The following RYR1 variants were observed in gnomAD, a reference collection of about 807,000 sequenced individuals.
RYR1 encodes the protein central core disease of muscle.
Under a neutral mutation model 583.5 loss-of-function variants are expected in RYR1, and 342 were observed. The observed-to-expected ratio is 0.59, with a 90% CI of 0.54 to 0.64. The LOEUF (loss-of-function observed/expected upper bound fraction) is 0.64, where lower values mean the gene tolerates loss of function less well. Among genes scored for constraint, RYR1 ranks in the 30% least tolerant of loss-of-function variants. The pLI is 0.00. For synonymous variants in RYR1, 2,791 were observed against 2,822.5 expected, an observed-to-expected ratio of 0.99 and a Z score of 0.35; for missense variants, 6,032 against 6,917.2, an observed-to-expected ratio of 0.87 and a Z score of 4.54.
intron 102 of RYR1, among the ~76,000 whole-genome samples, chr19:38,585,569 G>A (rs889118607): frequency 2.6e-5 from 4 of 151,424 alleles, no homozygotes; most frequent in Non-Finnish European, 5.9e-5. Flanking sequence ...TACCTCCCAG[G>A]TTCAAGCGAT....
rs1568433741 is a variant in RYR1, at chr19:38,442,420, G to A, written c.237G>A (p.Glu79=). 1 of 1,613,664 alleles carries A rather than the reference G, an allele frequency of 6.2e-7. No homozygotes were observed. Among genetic ancestry groups the A allele is most frequent in the Admixed American group, 1.7e-5 (1 of 59,988 alleles). Residue 79 remains glutamate (E), a synonymous_variant, in exon 3 of 106, where the codon GAG becomes GAA. Transcript: ENST00000359596. ...EQSLSVRALQ[E]MLANTVEAGV... is the part of the protein sequence containing the mutation. Reference sequence around the variant, plus strand: ...CCCTGTCTGTGCGAGCCCTGCAGGAGATGCTGGCTAACACGGTGGAGGCTG... The same window carrying A: ...CCCTGTCTGTGCGAGCCCTGCAGGAAATGCTGGCTAACACGGTGGAGGCTG...
intron 3 of RYR1, among the ~76,000 whole-genome samples, chr19:38,443,300 G>A (rs760901864): frequency 1.1e-4 from 16 of 152,216 alleles, no homozygotes; most frequent in Non-Finnish European, 1.9e-4. Flanking sequence ...GGTGAAGGCA[G>A]CAGAGAGGAC....
At chr19:38,501,750 G>A (rs1374395833) in intron 47 of RYR1, among the ~76,000 whole-genome samples, 5 of 152,150 alleles carry the variant, frequency 3.3e-5, no homozygotes, top group African/African-American at 7.2e-5. Context: ...TTGGGAGGCC[G>A]AGGCGGGTGG....
At chr19:38,572,312 TGGGTGG>T in intron 95 of RYR1, 42 bp downstream of exon 95, 30 of 174,860 alleles carry the variant, frequency 1.7e-4, no homozygotes, top group Non-Finnish European at 2.6e-4. Flanking sequence ...GCTTATTGGC[TGGGTGG>T]GGGTGGGGGC....
intron 56 of RYR1, 76 bp downstream of exon 56, chr19:38,506,622 T>C (rs1970464431): frequency 6.4e-7 from 1 of 1,560,750 alleles, no homozygotes; most frequent in South Asian, 1.1e-5. Context: ...TTCATGCCCC[T>C]GAAACTCGGT....
chr19:38,479,620 C>A (rs1311386552), intron 31 of RYR1, among the ~76,000 whole-genome samples: 1 of 152,168 alleles, frequency 6.6e-6, no homozygotes, highest in Admixed American at 6.6e-5. Flanking sequence ...CTCATATTGT[C>A]CAGGCTGGTC....
intron 30 of RYR1, 65 bp from the exon 31 acceptor site, chr19:38,478,370 A>G (rs1202260566): frequency 6.4e-7 from 1 of 1,572,796 alleles, no homozygotes; most frequent in Non-Finnish European, 8.7e-7. Context: ...AGCTTGGGGA[A>G]GGGGGTGTCC....
intron 20 of RYR1, among the ~76,000 whole-genome samples, chr19:38,463,159 TA>T (rs1967877386): frequency 2.3e-4 from 3 of 12,870 alleles, no homozygotes; most frequent in African/African-American, 3.9e-4. Context: ...CCCCCCCACT[TA>T]GCCTCCCAAA....
intron 29 of RYR1, among the ~76,000 whole-genome samples, chr19:38,476,084 G>A (rs1968708559): frequency 6.6e-6 from 1 of 152,016 alleles, no homozygotes; most frequent in African/African-American, 2.4e-5. Context: ...GTGCAGTGGT[G>A]TGATCTTGGC....
chr19:38,526,117 C>T (rs1399497710), intron 71 of RYR1, among the ~76,000 whole-genome samples: 3 of 152,018 alleles, frequency 2.0e-5, no homozygotes, highest in South Asian at 2.1e-4. Context: ...ACCCCAAGCC[C>T]GGGACTGTAC....
chr19:38,496,574 A>T lies in RYR1; in HGVS notation c.6796+33A>T, dbSNP rs1264351695. On this transcript the variant is annotated intron_variant, in intron 41 of 105. Transcript: ENST00000359596. This position sits in a 1 kb window ranked among gnomAD's most constrained non-coding sequence, Gnocchi z 4.8. ...CCCCCGAGCCCAGGGGCTGTCCCCC[A>T]GAACCCACTCCTGGCACCCCGTCCA... 6.2e-7 allele frequency: 1 copy of T among 1,612,596 alleles called. No homozygotes were observed. The highest frequency in any genetic ancestry group is 1.7e-5 in the Admixed American group (1 of 60,028).
chr19:38,505,993 G>A, intron 54 of RYR1, 47 bp downstream of exon 54: 2 of 1,584,438 alleles, frequency 1.3e-6, no homozygotes, highest in Non-Finnish European at 1.7e-6. Context: ...TGGGGGGAGG[G>A]TCTAGAACAA....
chr19:38,488,500 CTTTAA>C (rs964104677), intron 34 of RYR1, among the ~76,000 whole-genome samples: 29 of 152,092 alleles, frequency 1.9e-4, no homozygotes, highest in African/African-American at 6.5e-4. Context: ...ATCTTTTAAA[CTTTAA>C]TTTATTTTGT....
intron 89 of RYR1, among the ~76,000 whole-genome samples, chr19:38,559,730 A>G (rs1973040351): frequency 6.6e-6 from 1 of 152,154 alleles, no homozygotes; most frequent in African/African-American, 2.4e-5. Context: ...GTTTTTACAA[A>G]GCACTTTTGA....
At chr19:38,472,558 T>A (rs1340881838) in intron 27 of RYR1, among the ~76,000 whole-genome samples, 1 of 151,876 alleles carries the variant, frequency 6.6e-6, no homozygotes, top group East Asian at 1.9e-4. Flanking sequence ...CCACTTCAAA[T>A]CTAGGGGGGA....
At position 38,490,659 on chromosome 19, in the gene RYR1, G is replaced by A. The variant is rs934838050; in HGVS notation, c.6054G>A (p.Glu2018=). The A allele has an allele frequency of 1.9e-6, 3 of 1,613,578 alleles. No individual in the cohort carries two copies. The African/African-American group carries it at 4.0e-5, about 22-fold the overall frequency. ...TGCAATTCAAAGATGGTACAGATGA[G>A]GAAGACTGTCCTCTCCCTGAAGAGA... is the stretch of plus-strand genomic sequence containing the variant. ...MLLQFKDGTD[E]EDCPLPEEIR... is the part of the protein sequence containing the mutation. The change falls in exon 37 of 106, where the codon GAG becomes GAA. Residue 2018 remains glutamate (E), a synonymous_variant. Coordinates refer to ENST00000359596, the MANE Select transcript of RYR1 (RefSeq NM_000540.3).
At chr19:38,523,444 A>C (rs1600913052) in intron 69 of RYR1, 135 bp downstream of exon 69, 2 of 910,442 alleles carry the variant, frequency 2.2e-6, no homozygotes, top group East Asian at 2.6e-5. Context: ...AGCCCCTCTT[A>C]CCTCCTCTCC....
At position 38,573,314 on chromosome 19, in the gene RYR1, A is replaced by T. The variant is rs774437664; in HGVS notation, c.14129+7A>T. The T allele has an allele frequency of 1.6e-5, 26 of 1,612,356 alleles. No homozygotes were observed. The highest frequency in any genetic ancestry group is 2.2e-5 in the Non-Finnish European group (26 of 1,179,368). On this transcript the variant is annotated splice_region_variant and intron_variant, in intron 96 of 105. Coordinates refer to ENST00000359596, the MANE Select transcript of RYR1 (RefSeq NM_000540.3). ...GACTGGTGCTCAACACGCCGTAAGG[A>T]CCCAGCCCCCACCTCAGGGTGGCAG...
At chr19:38,459,395 A>G in intron 19 of RYR1, 57 bp downstream of exon 19, 1 of 1,525,036 alleles carries the variant, frequency 6.6e-7, no homozygotes, top group Non-Finnish European at 9.0e-7. Context: ...GACCTGAGAC[A>G]GCTTCCCCAG....
Sources: allele counts gnomAD v4.1 joint callset (sites outside exome capture counted in the v4.1 genomes callset), GRCh38; gene constraint gnomAD v4.1.1; non-coding constraint Gnocchi (gnomAD v3.1); transcripts MANE v1.5; gene names NCBI Gene and HGNC (gene_info 2026-07-23, HGNC 2026-07-21).